MDGA2: variants seen among roughly 807,000 people sequenced by gnomAD.
MDGA2 encodes the protein MAM domain-containing glycosylphosphatidylinositol anchor protein 2.
A neutral mutation model predicts 117.8 loss-of-function variants in MDGA2; 40 were observed. The ratio of observed to expected loss-of-function variants is 0.34; its 90% CI spans 0.26 to 0.44. The LOEUF is 0.44. MDGA2 is among the 20% of genes least tolerant of loss of function. The pLI is 1.00. For missense variants in MDGA2, 1,123 were observed against 1,250.6 expected (o/e 0.90, Z 1.54); for synonymous variants, 452 against 439.0 (o/e 1.03, Z -0.37).
chr14:47,605,297 G>A (rs1566537548), intron 1 of MDGA2, among the ~76,000 whole-genome samples: 1 of 152,134 alleles, frequency 6.6e-6, no homozygotes, highest in Non-Finnish European at 1.5e-5. Flanking sequence ...TAGATAAGAA[G>A]AAAAATAGTT....
chr14:47,447,538 G>C (rs1044396716), intron 1 of MDGA2, among the ~76,000 whole-genome samples: 3 of 152,138 alleles, frequency 2.0e-5, no homozygotes, highest in African/African-American at 7.2e-5. Flanking sequence ...AGGAGACACA[G>C]CAATAAACTT....
intron 6 of MDGA2, among the ~76,000 whole-genome samples, chr14:47,072,940 C>T (rs972158798): frequency 2.0e-5 from 3 of 152,124 alleles, no homozygotes; most frequent in Admixed American, 6.5e-5. Flanking sequence ...GTTATTTAAA[C>T]GTAACTCCCA....
intron 1 of MDGA2, among the ~76,000 whole-genome samples, chr14:47,475,506 A>T (rs369449729): frequency 6.6e-6 from 1 of 152,200 alleles, no homozygotes; most frequent in East Asian, 1.9e-4. Context: ...AAATCATTCT[A>T]TTATAAGGAT....
At chr14:47,447,952 G>A (rs1312455151) in intron 1 of MDGA2, among the ~76,000 whole-genome samples, 2 of 151,926 alleles carry the variant, frequency 1.3e-5, no homozygotes, top group East Asian at 1.9e-4. Context: ...CTCCTAAAAC[G>A]CTTGTATTTT....
intron 1 of MDGA2, among the ~76,000 whole-genome samples, chr14:47,508,837 G>T (rs907742099): frequency 2.6e-5 from 4 of 151,414 alleles, no homozygotes; most frequent in African/African-American, 9.8e-5. Context: ...CCACCACTAT[G>T]CCCGGCTAAT....
At chr14:47,665,243 A>G (rs184361408) in intron 1 of MDGA2, among the ~76,000 whole-genome samples, 1 of 151,922 alleles carries the variant, frequency 6.6e-6, no homozygotes, top group East Asian at 1.9e-4. Flanking sequence ...AGGAAATGTA[A>G]TTCCTCTCTC....
chr14:47,292,699 C>T (rs113271643), intron 2 of MDGA2, among the ~76,000 whole-genome samples: 1 of 152,122 alleles, frequency 6.6e-6, no homozygotes, highest in Admixed American at 6.6e-5. Context: ...CCCTTTCAAC[C>T]AGTAAGAGTT....
At position 47,429,234 on chromosome 14, in the gene MDGA2, A is replaced by G. The variant is rs187527293; in HGVS notation, c.281-127684T>C. Among the ~76,000 whole-genome samples, 407 of 152,068 alleles carry G rather than the reference A, an allele frequency of 2.7e-3. 1 individual carries two copies. Among genetic ancestry groups the G allele is most frequent in the Non-Finnish European group, 4.8e-3 (323 of 67,982 alleles). On this transcript the variant is annotated intron_variant, in intron 1 of 16. Coordinates refer to ENST00000399232, the MANE Select transcript of MDGA2 (RefSeq NM_001113498.3). The stretch of plus-strand genomic sequence containing the variant: ...GGTGAGACTGTCTCAAAGACAAAAG[A>G]CAAACAAACCCCTAAGAAATTTATA...
chr14:47,421,547 T>A (rs571135399), intron 1 of MDGA2, among the ~76,000 whole-genome samples: 4 of 152,270 alleles, frequency 2.6e-5, no homozygotes, highest in African/African-American at 9.6e-5. Context: ...GAGTCTGTTA[T>A]TTAAGGACAA....
chr14:47,334,585 A>G (rs1353482097), intron 1 of MDGA2, among the ~76,000 whole-genome samples: 1 of 151,978 alleles, frequency 6.6e-6, no homozygotes, highest in Non-Finnish European at 1.5e-5. Context: ...CTAAATTTTT[A>G]TTTAAATATA....
rs372731604 is a variant in MDGA2, at chr14:47,301,535, C to T, written c.296G>A (p.Arg99His). 1.3e-5 allele frequency: 20 copies of T among 1,551,572 alleles called. No individual in the cohort carries two copies. The highest frequency in any genetic ancestry group is 1.7e-4 in the Middle Eastern group (1 of 5,990). ...GQGVYAPPTV[R>H]IVHSGLACNI... ...ACAGGCCAAGCCTGAGTGCACAATA[C>T]GAACCGTGGGAGGAGCTGTCGAGTC... Residue 99 changes from arginine (R) to histidine (H), a missense_variant, in exon 2 of 17, where the codon CGT (arginine) becomes CAT (histidine). Arg to His is a conservative substitution (Grantham distance 29). Coordinates refer to ENST00000399232, the MANE Select transcript of MDGA2 (RefSeq NM_001113498.3).
intron 3 of MDGA2, among the ~76,000 whole-genome samples, chr14:47,171,236 G>C (rs1884117887): frequency 6.6e-6 from 1 of 152,000 alleles, no homozygotes; most frequent in African/African-American, 2.4e-5. Context: ...TCTAAATATA[G>C]AATGTACAAT....
intron 3 of MDGA2, among the ~76,000 whole-genome samples, chr14:47,173,194 G>T (rs1325727003): frequency 6.6e-6 from 1 of 152,282 alleles, no homozygotes; most frequent in South Asian, 2.1e-4. Context: ...GAAAGTGACG[G>T]GGAGAATGGA....
Position 47,651,311 on chromosome 14 carries a change from A to G in MDGA2, c.280+23206T>C, listed in dbSNP as rs78831058. On this transcript the variant is annotated intron_variant, in intron 1 of 16. Transcript: ENST00000399232. ...GGTTCTGTTTCTCTGAAGAGCTCCA[A>G]TACAGGGCAGACATTTTCGGAGCAA... Among the ~76,000 whole-genome samples, 924 of 151,998 alleles carry G rather than the reference A, an allele frequency of 6.1e-3. 11 individuals are homozygous for G. Among genetic ancestry groups the G allele is most frequent in the African/African-American group, 0.021 (872 of 41,486 alleles).
intron 9 of MDGA2, among the ~76,000 whole-genome samples, chr14:46,941,540 G>C (rs1346155501): frequency 2.0e-5 from 3 of 152,100 alleles, no homozygotes; most frequent in Non-Finnish European, 4.4e-5. Flanking sequence ...ACAGAGGCCA[G>C]GTGCTTAAAC....
chr14:47,628,378 C>T (rs1360454506), intron 1 of MDGA2, among the ~76,000 whole-genome samples: 1 of 152,182 alleles, frequency 6.6e-6, no homozygotes, highest in Non-Finnish European at 1.5e-5. Context: ...TGGTTTTGTT[C>T]ACCACCCTAA....
intron 1 of MDGA2, among the ~76,000 whole-genome samples, chr14:47,502,287 T>C (rs1406690366): frequency 6.6e-6 from 1 of 152,130 alleles, no homozygotes; most frequent in African/African-American, 2.4e-5. Context: ...ATCATGTCAA[T>C]GCAATCCAGA....
chr14:47,585,042 G>A lies in MDGA2; in HGVS notation c.280+89475C>T, dbSNP rs142440950. Among the ~76,000 whole-genome samples the A allele has an allele frequency of 7.9e-3, 1,193 of 151,898 alleles. 19 individuals are homozygous for A. Among genetic ancestry groups the A allele is most frequent in the African/African-American group, 0.027 (1,132 of 41,464 alleles). On this transcript the variant is annotated intron_variant, in intron 1 of 16. Transcript: ENST00000399232. ...CTTATAACAGTTAATATCAACTTAA[G>A]TTGTAATGCCCAGACTCTAACATAC... is the stretch of plus-strand genomic sequence containing the variant.
At chr14:47,639,227 C>T (rs1356373211) in intron 1 of MDGA2, among the ~76,000 whole-genome samples, 17 of 151,690 alleles carry the variant, frequency 1.1e-4, no homozygotes, top group Non-Finnish European at 5.9e-5. Context: ...TCTATTTTAC[C>T]CTCTTAGAAT....
Sources: allele counts gnomAD v4.1 joint callset (sites outside exome capture counted in the v4.1 genomes callset), GRCh38; gene constraint gnomAD v4.1.1; transcripts MANE v1.5; gene names NCBI Gene and HGNC (gene_info 2026-07-23, HGNC 2026-07-21).